Variants in SMARCA2 observed in about 807,000 individuals in gnomAD.
SMARCA2 encodes SWI/SNF related BAF chromatin remodeling complex subunit ATPase 2, also known as SWI/SNF-related matrix-associated actin-dependent regulator of chromatin subfamily A member 2.
SMARCA2 carries 61 observed loss-of-function variants against 199.8 expected under a neutral mutation model. The ratio of observed to expected loss-of-function variants is 0.31; its 90% CI spans 0.25 to 0.38. SMARCA2 has a LOEUF of 0.38. Among genes scored for constraint, SMARCA2 ranks in the 10% least tolerant of loss-of-function variants. The probability of loss-of-function intolerance (pLI) is 1.00; values close to 1 mark genes in which losing one functional copy is unlikely to be tolerated. For missense variants in SMARCA2, 1,344 were observed against 2,012.2 expected (o/e 0.67, Z 6.35); for synonymous variants, 935 against 732.0 (o/e 1.28, Z -4.48).
At chr9:2,129,665 C>T (rs1221803127) in intron 27 of SMARCA2, among the ~76,000 whole-genome samples, 3 of 152,160 alleles carry the variant, frequency 2.0e-5, no homozygotes, top group African/African-American at 4.8e-5. Flanking sequence ...CTCTGCCCTC[C>T]CTGGAGGTCA....
At chr9:2,071,398 C>G (rs898636110) in intron 10 of SMARCA2, among the ~76,000 whole-genome samples, 1 of 152,200 alleles carries the variant, frequency 6.6e-6, no homozygotes, top group Admixed American at 6.5e-5. Context: ...GTTAAGAATA[C>G]TATATATTAG....
At chr9:2,188,024 T>TTTTTACCTTTTCAAATATA (rs1827606832) in intron 32 of SMARCA2, among the ~76,000 whole-genome samples, 3 of 152,172 alleles carry the variant, frequency 2.0e-5, no homozygotes, top group Non-Finnish European at 4.4e-5. Flanking sequence ...ATTACACGTT[T>TTTTTACCTTTTCAAATATA]TTTTACCTTT....
chr9:2,034,174 G>A (rs1819210009), intron 3 of SMARCA2, among the ~76,000 whole-genome samples: 2 of 150,426 alleles, frequency 1.3e-5, no homozygotes, highest in African/African-American at 4.9e-5. Context: ...GAACCCGGGG[G>A]CAGAGGTTGC....
chr9:2,169,570 A>G lies in SMARCA2; in HGVS notation c.4200-849A>G, dbSNP rs1036205988. Among the ~76,000 whole-genome samples the G allele has an allele frequency of 6.6e-6, 1 of 152,072 alleles. No individual in the cohort carries two copies. The highest frequency in any genetic ancestry group is 1.5e-5 in the Non-Finnish European group (1 of 68,006). ...TCCCTCTCTGCAACACCCCGACCCC[A>G]CACTGACTCTAGAGCAGAATGGGGC... On this transcript the variant is annotated intron_variant, in intron 28 of 33. Coordinates refer to ENST00000349721, the MANE Select transcript of SMARCA2 (RefSeq NM_003070.5). The surrounding 1 kb of genome is among the most constrained non-coding windows in gnomAD (Gnocchi z 6.5).
intron 4 of SMARCA2, 145 bp from the exon 5 acceptor site, chr9:2,047,080 CTCCT>C: frequency 2.1e-6 from 1 of 472,554 alleles, no homozygotes. Context: ...CCTTCTTGCC[CTCCT>C]TTTTTTTTTT....
intron 5 of SMARCA2, among the ~76,000 whole-genome samples, chr9:2,049,748 A>G (rs1363220249): frequency 1.3e-5 from 2 of 152,228 alleles, no homozygotes; most frequent in African/African-American, 2.4e-5. Flanking sequence ...GATTAAATTT[A>G]TCCCTTAAAA....
intron 33 of SMARCA2, 29 bp downstream of exon 33, chr9:2,191,437 G>T (rs748191617): frequency 6.2e-7 from 1 of 1,612,086 alleles, no homozygotes; most frequent in East Asian, 2.2e-5. Context: ...GACTGAAGGC[G>T]GAGACGCCCT....
At position 2,170,411 on chromosome 9, in the gene SMARCA2, T is replaced by C; in HGVS notation, c.4200-8T>C. The stretch of plus-strand genomic sequence containing the variant: ...TCTGACTCTAGTGTTCTTTCTACTC[T>C]ACCGCAGGTGTAACGTGGAGAAGGT... On this transcript the variant is annotated splice_polypyrimidine_tract_variant and splice_region_variant and intron_variant, in intron 28 of 33. Coordinates refer to ENST00000349721, the MANE Select transcript of SMARCA2 (RefSeq NM_003070.5). This position sits in a 1 kb window ranked among gnomAD's most constrained non-coding sequence, Gnocchi z 4.7. The C allele has an allele frequency of 6.2e-7, 1 of 1,614,144 alleles. No individual in the cohort carries two copies. The highest frequency in any genetic ancestry group is 8.5e-7 in the Non-Finnish European group (1 of 1,179,988).
Position 2,110,481 on chromosome 9 carries a change from T to C in SMARCA2, c.3456+64T>C, listed in dbSNP as rs554406356. The C allele has an allele frequency of 7.5e-7, 1 of 1,336,448 alleles. No individual in the cohort carries two copies. The highest frequency in any genetic ancestry group is 1.0e-6 in the Non-Finnish European group (1 of 977,766). The allele number at this position is 1,336,448 out of a possible 1,614,324, so 82.8% of individuals were successfully genotyped here. A position where few individuals can be genotyped will look rare whatever the true frequency, so the allele number is the denominator to read the frequency against. On this transcript the variant is annotated intron_variant, in intron 24 of 33. Coordinates refer to ENST00000349721, the MANE Select transcript of SMARCA2 (RefSeq NM_003070.5). This position sits in a 1 kb window ranked among gnomAD's most constrained non-coding sequence, Gnocchi z 4.8. ...GAGAGCAACTAAAAGATGATCAGTT[T>C]CATTATTCACATTTACAGGACAGAG...
rs374155591 is a variant in SMARCA2, at chr9:2,070,399, C to T, written c.1693-19C>T. 14 of 1,611,228 alleles carry T rather than the reference C, an allele frequency of 8.7e-6. No individual in the cohort carries two copies. The highest frequency in any genetic ancestry group is 6.7e-5 in the Admixed American group (4 of 60,000). ...CATCATCTTGGTTACTTATAACATT[C>T]GACATTGTTGTTTTGCAGAAGGCTG... On this transcript the variant is annotated intron_variant, in intron 9 of 33. Coordinates refer to ENST00000349721, the MANE Select transcript of SMARCA2 (RefSeq NM_003070.5).
rs1343805346 is a variant in SMARCA2 at position 2,192,951 on chromosome 9, G to A, written c.*212G>A. The A allele has an allele frequency of 2.0e-6, 1 of 506,086 alleles. No individual in the cohort carries two copies. Among genetic ancestry groups the A allele is most frequent in the East Asian group, 3.2e-5 (1 of 30,930 alleles). The allele number at this position is 506,086 out of a possible 1,614,324, so 31.3% of individuals were successfully genotyped here. A position where few individuals can be genotyped will look rare whatever the true frequency, so the allele number is the denominator to read the frequency against. On this transcript the variant is annotated 3_prime_UTR_variant, in exon 34 of 34. Transcript: ENST00000349721. ...TATTTGTAACATATTGTGACCAAATGGGCCTCAAAGATTCAGATTGAAACA... is the reference window on the plus strand; with the variant it reads ...TATTTGTAACATATTGTGACCAAATAGGCCTCAAAGATTCAGATTGAAACA...
intron 27 of SMARCA2, among the ~76,000 whole-genome samples, chr9:2,127,521 T>A (rs546040384): frequency 7.9e-5 from 12 of 152,324 alleles, no homozygotes; most frequent in Admixed American, 7.8e-4. Flanking sequence ...GGCTCCAGGC[T>A]GACAGAGCCT....
chr9:2,153,267 T>C (rs2130726120), intron 27 of SMARCA2, among the ~76,000 whole-genome samples: 1 of 152,330 alleles, frequency 6.6e-6, no homozygotes, highest in Admixed American at 6.5e-5. Context: ...CCAGATGTGA[T>C]TGCTTGCTCC....
chr9:2,191,560 C>G (rs1586825402), intron 33 of SMARCA2, 152 bp downstream of exon 33: 3 of 818,160 alleles, frequency 3.7e-6, no homozygotes, highest in East Asian at 5.0e-5. Context: ...GGGATGTGAA[C>G]GGAGCTGTAT....
intron 25 of SMARCA2, among the ~76,000 whole-genome samples, chr9:2,118,241 G>A (rs1823298307): frequency 6.6e-6 from 1 of 152,190 alleles, no homozygotes; most frequent in Admixed American, 6.5e-5. Context: ...CTGTGTCCTT[G>A]TCAGATGAAA....
rs374332187 is a variant in SMARCA2 at position 2,081,990 on chromosome 9, C to G, written c.2343C>G (p.Pro781=). 1 of 1,612,442 alleles carries G rather than the reference C, an allele frequency of 6.2e-7. No homozygotes were observed. Among genetic ancestry groups the G allele is most frequent in the Non-Finnish European group, 8.5e-7 (1 of 1,179,260 alleles). ...RLNGPYLIIV[P]LSTLSNWTYE... ...ATGGCCCCTATCTCATCATTGTTCC[C>G]CTTTCGTAAGTAAAGTCATTTATTC... The change falls in exon 15 of 34, where the codon CCC becomes CCG. Residue 781 remains proline, a synonymous_variant. Coordinates refer to ENST00000349721, the MANE Select transcript of SMARCA2 (RefSeq NM_003070.5).
In SMARCA2 at chr9:2,119,376, T is replaced by C; in HGVS notation, c.3685-82T>C. On this transcript the variant is annotated intron_variant, in intron 25 of 33. Coordinates refer to ENST00000349721, the MANE Select transcript of SMARCA2 (RefSeq NM_003070.5). The surrounding 1 kb of genome is among the most constrained non-coding windows in gnomAD (Gnocchi z 4.6). ...TCTGCCTTGAGAAATGGGACCCCTCTGGTCTGGAGGACAGATCACTTACTT... is the reference window on the plus strand; with the variant it reads ...TCTGCCTTGAGAAATGGGACCCCTCCGGTCTGGAGGACAGATCACTTACTT... The C allele has an allele frequency of 6.9e-6, 6 of 872,678 alleles. No homozygotes were observed. Among genetic ancestry groups the C allele is most frequent in the Non-Finnish European group, 1.2e-5 (6 of 516,706 alleles). The allele number at this position is 872,678 out of a possible 1,614,324, so 54.1% of individuals were successfully genotyped here. A position where few individuals can be genotyped will look rare whatever the true frequency, so the allele number is the denominator to read the frequency against.
chr9:2,132,672 G>A (rs1223428397), intron 27 of SMARCA2, among the ~76,000 whole-genome samples: 2 of 152,026 alleles, frequency 1.3e-5, no homozygotes, highest in East Asian at 3.9e-4. Context: ...CTGCATTTCC[G>A]TTTTTATACA....
intron 2 of SMARCA2, among the ~76,000 whole-genome samples, chr9:2,030,542 T>A (rs1362648128): frequency 2.0e-5 from 2 of 98,094 alleles, no homozygotes; most frequent in African/African-American, 9.1e-5. Flanking sequence ...TTCCTCTAGC[T>A]TTTTTTTTTT....
Sources: gnomAD v4.1 joint callset for allele counts (sites outside exome capture counted in the v4.1 genomes callset) on GRCh38, gnomAD v4.1.1 for gene constraint, Gnocchi (gnomAD v3.1) non-coding constraint, MANE v1.5 for transcripts, NCBI Gene and HGNC (gene_info 2026-07-23, HGNC 2026-07-21) for gene names.